The following RARB variants were observed in gnomAD, a reference collection of about 807,000 sequenced individuals.
RARB encodes the protein retinoic acid receptor beta.
A neutral mutation model predicts 51.9 loss-of-function variants in RARB; 17 were observed. The observed-to-expected ratio is 0.33, with a 90% CI of 0.22 to 0.49. The LOEUF is 0.49. Ranked by LOEUF, RARB falls within the 20% of genes least tolerant of loss-of-function variation. The pLI, the probability that RARB is intolerant of heterozygous loss-of-function variation, is 0.99. For synonymous variants in RARB, 215 were observed against 195.4 expected (o/e 1.10, Z -0.84); for missense variants, 369 against 550.8 (o/e 0.67, Z 3.30).
chr3:25,299,509 C>T (rs762842050), intron 5 of RARB, among the ~76,000 whole-genome samples: 5 of 152,136 alleles, frequency 3.3e-5, no homozygotes, highest in East Asian at 1.9e-4. Context: ...CCACCTCACT[C>T]GTAAATGAAA....
rs151011713 is a variant in RARB at position 25,333,796 on chromosome 3, T to C, written c.179-127397T>C. Among the ~76,000 whole-genome samples, 80 of 152,260 alleles carry C rather than the reference T, an allele frequency of 5.3e-4. 1 individual carries two copies. The East Asian group carries it at 0.011, about 22-fold the overall frequency. On this transcript the variant is annotated intron_variant, in intron 5 of 11. Coordinates refer to the RARB transcript ENST00000383772. ...CTACCCATCTGACAAAGGGCTAATGTCCAGAATCTACAAAGAACTTAAACG... is the reference window on the plus strand; with the variant it reads ...CTACCCATCTGACAAAGGGCTAATGCCCAGAATCTACAAAGAACTTAAACG...
intron 5 of RARB, among the ~76,000 whole-genome samples, chr3:25,298,591 C>G (rs1017449965): frequency 2.0e-5 from 3 of 152,088 alleles, no homozygotes; most frequent in African/African-American, 7.2e-5. Context: ...AAGCTGGCCT[C>G]TAATTTTTAG....
At chr3:25,019,419 C>A (rs986380172) in intron 2 of RARB, among the ~76,000 whole-genome samples, 5 of 151,718 alleles carry the variant, frequency 3.3e-5, no homozygotes, top group African/African-American at 7.3e-5. Context: ...TAGTGGGGTC[C>A]GGTTGGGATT....
chr3:25,160,445 A>G (rs1700455582), intron 4 of RARB, among the ~76,000 whole-genome samples: 2 of 152,184 alleles, frequency 1.3e-5, no homozygotes, highest in Admixed American at 1.3e-4. Context: ...GCAGCATTGC[A>G]GGGAGTTTTC....
Position 25,118,097 on chromosome 3 carries a change from C to T in RARB, c.-327-14064C>T, listed in dbSNP as rs530266539. Among the ~76,000 whole-genome samples, 21 of 152,224 alleles carry T rather than the reference C, an allele frequency of 1.4e-4. 2 individuals are homozygous for T. The South Asian group carries it at 4.4e-3, about 32-fold the overall frequency. On this transcript the variant is annotated intron_variant, in intron 3 of 11. Coordinates refer to the RARB transcript ENST00000383772. ...TGAAACCAATTGCTTGGAGAGGCTC[C>T]ATCCTGCCTGATATTGAGACCAAAG...
At chr3:25,447,714 G>T (rs913052175) in intron 1 of RARB, among the ~76,000 whole-genome samples, 1 of 152,158 alleles carries the variant, frequency 6.6e-6, no homozygotes, top group African/African-American at 2.4e-5. Context: ...GAAATCCTAC[G>T]AGGAATGAGA....
At chr3:25,132,057 T>C (rs985238718) in intron 3 of RARB, among the ~76,000 whole-genome samples, 2 of 151,852 alleles carry the variant, frequency 1.3e-5, no homozygotes, top group Non-Finnish European at 2.9e-5. Context: ...ACAAATTTCT[T>C]TCTTGACACA....
At chr3:24,985,441 G>A (rs1253452485) in intron 2 of RARB, among the ~76,000 whole-genome samples, 3 of 149,816 alleles carry the variant, frequency 2.0e-5, no homozygotes, top group Admixed American at 6.7e-5. Flanking sequence ...TCTGATAAAC[G>A]TCAAGGGAAA....
Position 25,525,895 on chromosome 3 carries a change from C to G in RARB, c.448+24572C>G, listed in dbSNP as rs527805797. On this transcript the variant is annotated intron_variant, in intron 3 of 7. Coordinates refer to ENST00000330688, the MANE Select transcript of RARB (RefSeq NM_000965.5). ...GGCAGATATCAAAGGAAAAGTGTTC[C>G]AGGCAGAGAACAGCAGTTGCAAAGC... 3.3e-5 allele frequency among the ~76,000 whole-genome samples: 5 copies of G among 152,250 alleles called. No individual in the cohort carries two copies. In the South Asian group the frequency reaches 1.0e-3, roughly 32 times the overall value.
intron 2 of RARB, among the ~76,000 whole-genome samples, chr3:24,936,489 C>T (rs902772199): frequency 2.0e-5 from 3 of 152,166 alleles, no homozygotes; most frequent in African/African-American, 4.8e-5. Context: ...ACCGAGGCAG[C>T]TAACAATCAA....
intron 5 of RARB, among the ~76,000 whole-genome samples, chr3:25,303,794 G>C (rs1053381809): frequency 1.1e-4 from 17 of 152,066 alleles, no homozygotes; most frequent in Middle Eastern, 3.2e-3. Context: ...CAGCCAGCCG[G>C]GCAGAATGTT....
chr3:25,296,290 T>A (rs528517571), intron 5 of RARB, among the ~76,000 whole-genome samples: 1 of 152,298 alleles, frequency 6.6e-6, no homozygotes, highest in South Asian at 2.1e-4. Flanking sequence ...AAGGCTTTTT[T>A]TTCCCCCAAA....
At chr3:25,496,372 G>A (rs547001730) in intron 2 of RARB, among the ~76,000 whole-genome samples, 16 of 152,216 alleles carry the variant, frequency 1.1e-4, no homozygotes, top group African/African-American at 3.9e-4. Flanking sequence ...TAGTTCCAGG[G>A]GTGTCATATT....
At chr3:25,377,145 A>G (rs1284921602) in intron 5 of RARB, among the ~76,000 whole-genome samples, 1 of 151,890 alleles carries the variant, frequency 6.6e-6, no homozygotes, top group Non-Finnish European at 1.5e-5. Context: ...TGTTTGCACA[A>G]ATAGTAAATT....
chr3:25,256,235 A>G (rs1197495326), intron 5 of RARB, among the ~76,000 whole-genome samples: 3 of 152,214 alleles, frequency 2.0e-5, no homozygotes, highest in Admixed American at 2.0e-4. Context: ...CACTGAAAAG[A>G]TACGGCCCCT....
At chr3:25,169,483 A>G (rs1700608633) in intron 4 of RARB, among the ~76,000 whole-genome samples, 1 of 152,246 alleles carries the variant, frequency 6.6e-6, no homozygotes, top group South Asian at 2.1e-4. Context: ...AACTCCAGGA[A>G]AGAAACAATT....
At chr3:24,927,849 C>A (rs1416688885) in intron 2 of RARB, among the ~76,000 whole-genome samples, 1 of 152,024 alleles carries the variant, frequency 6.6e-6, no homozygotes, top group Non-Finnish European at 1.5e-5. Flanking sequence ...TCAGTATACA[C>A]TAATGCCAGC....
intron 3 of RARB, among the ~76,000 whole-genome samples, chr3:25,551,656 T>A (rs909126216): frequency 1.3e-5 from 2 of 152,168 alleles, no homozygotes; most frequent in East Asian, 3.9e-4. Flanking sequence ...GAGATTGAGA[T>A]TCGAGTCTCC....
chr3:25,097,164 C>A (rs1699311233), intron 3 of RARB, among the ~76,000 whole-genome samples: 1 of 152,096 alleles, frequency 6.6e-6, no homozygotes, highest in African/African-American at 2.4e-5. Context: ...ATACTTTGTG[C>A]CATGAATGAA....
Sources: gnomAD v4.1 joint callset for allele counts (sites outside exome capture counted in the v4.1 genomes callset) on GRCh38, gnomAD v4.1.1 for gene constraint, MANE v1.5 for transcripts, NCBI Gene and HGNC (gene_info 2026-07-23, HGNC 2026-07-21) for gene names.